Variants in STRADB observed in about 807,000 individuals in gnomAD.
STRADB encodes the protein STE20 related adaptor beta.
A neutral mutation model predicts 52.1 loss-of-function variants in STRADB; 34 were observed. The ratio of observed to expected loss-of-function variants is 0.65; its 90% confidence interval spans 0.50 to 0.87. STRADB has a LOEUF of 0.87. STRADB is among the 40% of genes least tolerant of loss of function. The pLI is 0.00. For missense variants in STRADB, 340 were observed against 483.9 expected, an observed-to-expected ratio of 0.70 and a Z score of 2.79; for synonymous variants, 133 against 174.5, an observed-to-expected ratio of 0.76 and a Z score of 1.87.
intron 11 of STRADB, 57 bp from the exon 12 acceptor site, chr2:201,479,975 C>T: frequency 6.3e-7 from 1 of 1,588,856 alleles, no homozygotes; most frequent in Non-Finnish European, 8.6e-7. Flanking sequence ...TTATTGCTAA[C>T]AAAACTGATA....
At chr2:201,459,586 T>C (rs568895524) in intron 3 of STRADB, among the ~76,000 whole-genome samples, 2 of 152,334 alleles carry the variant, frequency 1.3e-5, no homozygotes, top group African/African-American at 4.8e-5. Flanking sequence ...TGAGCACTGC[T>C]ACTGCTCAGG....
intron 3 of STRADB, among the ~76,000 whole-genome samples, chr2:201,461,284 G>A (rs1952212010): frequency 6.6e-6 from 1 of 152,024 alleles, no homozygotes; most frequent in African/African-American, 2.4e-5. Flanking sequence ...TAACTCCTGG[G>A]TTCAAGCAAT....
chr2:201,476,788 A>C (rs1952479216), intron 7 of STRADB, among the ~76,000 whole-genome samples: 1 of 150,992 alleles, frequency 6.6e-6, no homozygotes. Flanking sequence ...TAGCCTGGCC[A>C]AGATGGTGAA....
chr2:201,470,078 C>A, intron 4 of STRADB, 26 bp downstream of exon 4: 1 of 1,507,928 alleles, frequency 6.6e-7, no homozygotes, highest in Non-Finnish European at 9.2e-7. Flanking sequence ...TTCTAATTGA[C>A]CCTTCAGTGC....
rs1952164853 is a variant in STRADB, at chr2:201,458,663, C to T, written c.13-121C>T. ...GGATCCTGGCTTCAATTCCAAGTTT[C>T]TGCAAGTTGCCCTTCCTCTCTTTTC... On this transcript the variant is annotated intron_variant, in intron 2 of 11. Coordinates refer to ENST00000194530, the MANE Select transcript of STRADB (RefSeq NM_018571.6). 8.2e-6 allele frequency: 6 copies of T among 734,242 alleles called. No homozygotes were observed. In the South Asian group the frequency reaches 1.2e-4, roughly 15 times the overall value. The allele number at this position is 734,242 out of a possible 1,614,324, so 45.5% of individuals were successfully genotyped here. A position where few individuals can be genotyped will look rare whatever the true frequency, so the allele number is the denominator to read the frequency against.
At chr2:201,479,898 G>A in intron 11 of STRADB, 134 bp from the exon 12 acceptor site, 1 of 1,055,454 alleles carries the variant, frequency 9.5e-7, no homozygotes, top group Non-Finnish European at 1.4e-6. Flanking sequence ...CAGAATCAAA[G>A]GCAGTTTTAG....
chr2:201,472,955 G>A lies in STRADB; in HGVS notation c.194G>A (p.Gly65Glu), dbSNP rs774147860. The A allele has an allele frequency of 2.5e-6, 4 of 1,598,368 alleles. No homozygotes were observed. The Admixed American group carries it at 6.9e-5, about 28-fold the overall frequency. Residue 65 changes from glycine (G) to glutamate (E), a missense_variant and splice_region_variant, in exon 5 of 12, where the codon GGA becomes GAA. Transcript: ENST00000194530. ...VSHYELQVEI[G>E]RGFDNLTSVH... ...ACATGAGTTTTATGTCTGATTACAG[G>A]AAGAGGATTTGACAACTTGACTTCT...
intron 2 of STRADB, 96 bp from the exon 3 acceptor site, chr2:201,458,688 C>G: frequency 9.7e-7 from 1 of 1,028,174 alleles, no homozygotes; most frequent in Non-Finnish European, 1.4e-6. Context: ...CCTCTCTTTT[C>G]CCCACTGTAG....
chr2:201,455,561 C>G (rs533729464), intron 2 of STRADB, among the ~76,000 whole-genome samples: 2 of 152,074 alleles, frequency 1.3e-5, no homozygotes, highest in African/African-American at 4.8e-5. Context: ...AAAATATTAG[C>G]CAGACGTAGT....
Position 201,468,483 on chromosome 2 carries a change from GT to G in STRADB, c.94-1468del, listed in dbSNP as rs547804247. Among the ~76,000 whole-genome samples the G allele has an allele frequency of 5.3e-5, 8 of 152,246 alleles. No homozygotes were observed. The South Asian group carries it at 1.7e-3, about 32-fold the overall frequency. On this transcript the variant is annotated intron_variant, in intron 3 of 11. Transcript: ENST00000194530. ...ACTTTTATTCTGGTTTTTCATCTGAGTTCTATCATAGTTGCAAACTTCGTAT... is the reference window on the plus strand; with the variant it reads ...ACTTTTATTCTGGTTTTTCATCTGAGTCTATCATAGTTGCAAACTTCGTAT...
chr2:201,479,433 G>A (rs1369085443), intron 10 of STRADB, 56 bp from the exon 11 acceptor site: 29 of 1,488,848 alleles, frequency 1.9e-5, no homozygotes, highest in Non-Finnish European at 2.6e-5. Flanking sequence ...TTTTACACCT[G>A]AAATCTACAT....
At chr2:201,473,907 T>C (rs113532709) in intron 5 of STRADB, among the ~76,000 whole-genome samples, 1,759 of 150,266 alleles carry the variant, frequency 0.012, 45 homozygotes, top group African/African-American at 0.041. Flanking sequence ...TTTTTTTTTT[T>C]CGAGACGGAG....
Position 201,479,864 on chromosome 2 carries a change from C to T in STRADB, c.1114-168C>T, listed in dbSNP as rs1398359255. 3 of 797,850 alleles carry T rather than the reference C, an allele frequency of 3.8e-6. No homozygotes were observed. In the African/African-American group the frequency reaches 5.2e-5, roughly 14 times the overall value. The allele number at this position is 797,850 out of a possible 1,614,324, so 49.4% of individuals were successfully genotyped here. ...TCTGATAAGAAGTCAGTTTCTTTGG[C>T]TCTTCTTCCTGTTTTCAGATGACCA... On this transcript the variant is annotated intron_variant, in intron 11 of 11. Coordinates refer to ENST00000194530, the MANE Select transcript of STRADB (RefSeq NM_018571.6).
rs192166579 is a variant in STRADB, at chr2:201,476,746, G to A, written c.549-873G>A. Among the ~76,000 whole-genome samples, 388 of 150,906 alleles carry A rather than the reference G, an allele frequency of 2.6e-3. 1 individual carries two copies. The highest frequency in any genetic ancestry group is 8.3e-3 in the African/African-American group (343 of 41,158). ...TCCCAGCACTTTGAGAGGCCGAGGC[G>A]TGCAGATCACTTGAGGTCATGAGTT... On this transcript the variant is annotated intron_variant, in intron 7 of 11. Coordinates refer to ENST00000194530, the MANE Select transcript of STRADB (RefSeq NM_018571.6).
At chr2:201,462,351 G>A (rs572107864) in intron 3 of STRADB, among the ~76,000 whole-genome samples, 5 of 151,984 alleles carry the variant, frequency 3.3e-5, no homozygotes, top group Admixed American at 6.6e-5. Flanking sequence ...TTTTTTAATC[G>A]ATTCAGCTAC....
At chr2:201,453,025 A>G (rs916230679) in intron 1 of STRADB, among the ~76,000 whole-genome samples, 7 of 152,158 alleles carry the variant, frequency 4.6e-5, no homozygotes, top group African/African-American at 1.7e-4. Context: ...AATTATAATA[A>G]CAGCAAATCC....
At chr2:201,470,203 T>C (rs1285536120) in intron 4 of STRADB, 151 bp downstream of exon 4, 2 of 641,494 alleles carry the variant, frequency 3.1e-6, no homozygotes, top group Non-Finnish European at 5.6e-6. Flanking sequence ...AATTAATTTA[T>C]GTCTATCTTA....
intron 10 of STRADB, chr2:201,479,078 A>G (rs921732593): frequency 1.3e-5 from 2 of 155,956 alleles, no homozygotes; most frequent in African/African-American, 4.9e-5. Context: ...ATCTCAAAAG[A>G]AAAAAAAAAA....
In STRADB at chr2:201,474,479, A is replaced by G. The variant is rs1018569057; in HGVS notation, c.316-168A>G. 3.4e-5 allele frequency: 18 copies of G among 532,356 alleles called. No individual in the cohort carries two copies. The East Asian group carries it at 5.9e-4, about 18-fold the overall frequency. 33.0% of individuals were successfully genotyped at this position (532,356 alleles called of 1,614,324 possible). On this transcript the variant is annotated intron_variant, in intron 5 of 11. Coordinates refer to ENST00000194530, the MANE Select transcript of STRADB (RefSeq NM_018571.6). ...TGTCTTCTGAAAAATGGGAATCATA[A>G]TATCACATACTTTGTGGAGTGGTTG...
Sources: gnomAD v4.1 joint callset for allele counts (sites outside exome capture counted in the v4.1 genomes callset) on GRCh38, gnomAD v4.1.1 for gene constraint, MANE v1.5 for transcripts, NCBI Gene and HGNC (gene_info 2026-07-23, HGNC 2026-07-21) for gene names.